Variants in PDE7B observed in about 807,000 individuals in gnomAD.
PDE7B encodes the protein 3',5'-cyclic-AMP phosphodiesterase 7B.
In PDE7B, 29 loss-of-function variants were observed where a neutral mutation model predicts 56.2. That is an observed-to-expected ratio of 0.52 (90% confidence interval 0.38 to 0.70). PDE7B has a LOEUF of 0.70. Ranked by LOEUF, PDE7B falls within the 30% of genes least tolerant of loss-of-function variation. The pLI, the probability that PDE7B is intolerant of heterozygous loss-of-function variation, is 0.00. For synonymous variants in PDE7B, 197 were observed against 196.9 expected (o/e 1.00, Z 0.00); for missense variants, 490 against 565.0 (o/e 0.87, Z 1.35).
intron 2 of PDE7B, among the ~76,000 whole-genome samples, chr6:136,071,653 T>C (rs1777052310): frequency 6.6e-6 from 1 of 152,180 alleles, no homozygotes; most frequent in African/African-American, 2.4e-5. Flanking sequence ...TCTAGCCAAG[T>C]GTAGTGGTGC....
rs188638651 is a variant in PDE7B at position 136,164,044 on chromosome 6, A to G, written c.711+8286A>G. 5.4e-3 allele frequency among the ~76,000 whole-genome samples: 826 copies of G among 152,250 alleles called. 6 individuals carry two copies. Among genetic ancestry groups the G allele is most frequent in the African/African-American group, 0.019 (799 of 41,536 alleles). ...CACTTCCACATTTTCAGGTATCTGT[A>G]TGGCAGCACCCAAATCTCAGTACTG... On this transcript the variant is annotated intron_variant, in intron 8 of 12. Coordinates refer to ENST00000308191, the MANE Select transcript of PDE7B (RefSeq NM_018945.4).
chr6:135,934,777 T>TATTTTTTAAATATATATATA (rs1562444870), intron 1 of PDE7B, among the ~76,000 whole-genome samples: 78 of 92,956 alleles, frequency 8.4e-4, no homozygotes, highest in Non-Finnish European at 1.5e-3. Flanking sequence ...ATATATATAT[T>TATTTTTTAAATATATATATA]TATTATATAT....
chr6:136,179,836 C>T (rs1779035113), intron 10 of PDE7B, among the ~76,000 whole-genome samples: 1 of 152,064 alleles, frequency 6.6e-6, no homozygotes, highest in Admixed American at 6.6e-5. Context: ...TTTTAGGCAG[C>T]AAAAAATAAA....
At chr6:136,056,512 C>CTGTTTTTTTTTT (rs1776734567) in intron 2 of PDE7B, among the ~76,000 whole-genome samples, 1 of 53,904 alleles carries the variant, frequency 1.9e-5, no homozygotes, top group African/African-American at 9.6e-5. Flanking sequence ...AGATAGAATC[C>CTGTTTTTTTTTT]TTTTTTTTTT....
At chr6:135,986,387 A>G (rs9321547) in intron 2 of PDE7B, among the ~76,000 whole-genome samples, 19,441 of 152,254 alleles carry the variant, frequency 0.13, 2,587 homozygotes, top group African/African-American at 0.33. Context: ...GTTTATTTAA[A>G]GGAAAACATT....
chr6:136,183,123 A>G (rs1435928157), intron 11 of PDE7B, among the ~76,000 whole-genome samples: 1 of 151,880 alleles, frequency 6.6e-6, no homozygotes, highest in Non-Finnish European at 1.5e-5. Context: ...TTGTCCTAGT[A>G]ATATATGCAT....
intron 1 of PDE7B, among the ~76,000 whole-genome samples, chr6:135,921,953 TTTAGAAC>T (rs1236155003): frequency 6.6e-6 from 1 of 152,050 alleles, no homozygotes; most frequent in Non-Finnish European, 1.5e-5. Flanking sequence ...GAACAAGCAG[TTTAGAAC>T]TCTCTCCCTC....
At chr6:135,992,749 ATAT>A (rs531495365) in intron 2 of PDE7B, among the ~76,000 whole-genome samples, 45 of 152,320 alleles carry the variant, frequency 3.0e-4, no homozygotes, top group African/African-American at 1.1e-3. Flanking sequence ...GGATATTAAA[ATAT>A]TATTTCCCAG....
At chr6:135,901,956 A>G (rs1776008811) in intron 1 of PDE7B, among the ~76,000 whole-genome samples, 1 of 152,080 alleles carries the variant, frequency 6.6e-6, no homozygotes, top group Admixed American at 6.6e-5. Flanking sequence ...AGTGTTCCTG[A>G]ATCTCTAAGT....
intron 8 of PDE7B, chr6:136,165,535 A>G (rs1778779902): frequency 6.6e-6 from 1 of 152,202 alleles, no homozygotes; most frequent in African/African-American, 2.4e-5. Context: ...GGGCAGTTGG[A>G]AGTCCAAGGA....
intron 3 of PDE7B, among the ~76,000 whole-genome samples, chr6:136,134,127 TGA>T (rs1258409967): frequency 6.6e-6 from 1 of 151,860 alleles, no homozygotes; most frequent in Admixed American, 6.6e-5. Flanking sequence ...TGGTGGTAGG[TGA>T]GATAGATTGA....
At chr6:136,082,199 A>T (rs1032035075) in intron 2 of PDE7B, among the ~76,000 whole-genome samples, 8 of 152,202 alleles carry the variant, frequency 5.3e-5, no homozygotes, top group African/African-American at 1.9e-4. Context: ...GAGGTGTCAC[A>T]CACAGGCCTT....
At chr6:135,866,775 T>C (rs193113536) in intron 1 of PDE7B, among the ~76,000 whole-genome samples, 20 of 152,322 alleles carry the variant, frequency 1.3e-4, no homozygotes, top group Non-Finnish European at 2.8e-4. Flanking sequence ...TGATAGTGCA[T>C]ACGTGTCGTA....
At chr6:136,055,998 G>A (rs1050490541) in intron 2 of PDE7B, among the ~76,000 whole-genome samples, 6 of 152,174 alleles carry the variant, frequency 3.9e-5, no homozygotes, top group African/African-American at 1.4e-4. Context: ...AGTAACACCG[G>A]CTTTTTAAAA....
intron 1 of PDE7B, among the ~76,000 whole-genome samples, chr6:135,872,157 G>A (rs1425549472): frequency 6.6e-6 from 1 of 152,192 alleles, no homozygotes; most frequent in African/African-American, 2.4e-5. Flanking sequence ...TTGCAGCAAA[G>A]AGTTCAGTTG....
chr6:135,921,836 C>T (rs552351405), intron 1 of PDE7B, among the ~76,000 whole-genome samples: 12 of 152,138 alleles, frequency 7.9e-5, no homozygotes, highest in African/African-American at 2.6e-4. Context: ...TTCTCCACAT[C>T]CCTTTCTACT....
intron 2 of PDE7B, among the ~76,000 whole-genome samples, chr6:136,054,236 G>T (rs1776687953): frequency 6.6e-6 from 1 of 152,128 alleles, no homozygotes; most frequent in Admixed American, 6.5e-5. Context: ...TTTGTATAAG[G>T]TGTAAGGAAG....
chr6:135,957,222 T>G (rs1049203856), intron 2 of PDE7B, among the ~76,000 whole-genome samples: 8 of 152,098 alleles, frequency 5.3e-5, no homozygotes, highest in African/African-American at 1.7e-4. Context: ...GGAAATATGG[T>G]GTTCTGATGA....
At chr6:135,893,065 G>A (rs1216178855) in intron 1 of PDE7B, among the ~76,000 whole-genome samples, 2 of 152,000 alleles carry the variant, frequency 1.3e-5, no homozygotes, top group Admixed American at 6.6e-5. Context: ...ATAGGGATAG[G>A]AGCCTCTTTT....
Sources: gnomAD v4.1 joint callset for allele counts (sites outside exome capture counted in the v4.1 genomes callset) on GRCh38, gnomAD v4.1.1 for gene constraint, MANE v1.5 for transcripts, NCBI Gene and HGNC (gene_info 2026-07-23, HGNC 2026-07-21) for gene names.